The following RBM4 variants were observed in gnomAD, a reference collection of about 807,000 sequenced individuals.
The protein encoded by RBM4 is RNA binding motif protein 4, also known as RNA-binding protein 4.
In RBM4, 7 loss-of-function variants were observed where a neutral mutation model predicts 29.5. The observed-to-expected ratio is 0.24, with a 90% CI of 0.14 to 0.45. RBM4 has a LOEUF of 0.45. Ranked by LOEUF, RBM4 falls within the 20% of genes least tolerant of loss-of-function variation. The pLI is 1.00. For synonymous variants in RBM4, 220 were observed against 205.4 expected, an observed-to-expected ratio of 1.07 and a Z score of -0.61; for missense variants, 387 against 502.3, an observed-to-expected ratio of 0.77 and a Z score of 2.19.
chr11:66,640,491 G>T lies in RBM4; in HGVS notation c.412+368G>T, dbSNP rs115858076. ...TCTGAATTTATTGCCCTCAGCACAGGATCAGAATTCTGCATTTTACGTGAA... is the reference window on the plus strand; with the variant it reads ...TCTGAATTTATTGCCCTCAGCACAGTATCAGAATTCTGCATTTTACGTGAA... On this transcript the variant is annotated intron_variant, in intron 2 of 3. Transcript: ENST00000310092. 4.0e-3 allele frequency: 1,697 copies of T among 427,272 alleles called. 32 individuals carry two copies. Among genetic ancestry groups the T allele is most frequent in the African/African-American group, 0.03 (1,492 of 49,338 alleles). 26.5% of individuals were successfully genotyped at this position (427,272 alleles called of 1,614,324 possible).
At chr11:66,649,459 G>GT (rs1938778996), downstream of RBM4, among the ~76,000 whole-genome samples, 2 of 152,242 alleles carry the variant, frequency 1.3e-5, no homozygotes, top group South Asian at 2.1e-4. Context: ...CGGGAGGATA[G>GT]TTTGAGCCCA....
chr11:66,664,075 A>G (rs1012338288), intron 2 of RBM4, among the ~76,000 whole-genome samples: 1 of 151,224 alleles, frequency 6.6e-6, no homozygotes, highest in Non-Finnish European at 1.5e-5. Context: ...TGGCATGATC[A>G]CAGCTCACTG....
intron 2 of RBM4, among the ~76,000 whole-genome samples, chr11:66,662,016 C>T (rs902323208): frequency 7.2e-5 from 11 of 152,078 alleles, no homozygotes; most frequent in Non-Finnish European, 1.3e-4. Flanking sequence ...AGTGACAGAG[C>T]GAGACTCCAT....
At chr11:66,660,366 T>C (rs1939051139) in intron 2 of RBM4, among the ~76,000 whole-genome samples, 1 of 149,806 alleles carries the variant, frequency 6.7e-6, no homozygotes, top group Non-Finnish European at 1.5e-5. Flanking sequence ...TTTTTTTTTT[T>C]TTTTGAGACA....
chr11:66,649,738 A>G (rs1938785967), downstream of RBM4: 1 of 701,838 alleles, frequency 1.4e-6, no homozygotes, highest in Non-Finnish European at 2.6e-6. Context: ...TTTTTTAGAC[A>G]TCCAGCTCTG....
intron 3 of RBM4, 131 bp from the exon 4 acceptor site, chr11:66,645,896 C>A (rs1938671073): frequency 1.4e-6 from 2 of 1,465,464 alleles, no homozygotes; most frequent in Non-Finnish European, 1.8e-6. Flanking sequence ...TACTGTGATA[C>A]TGGGGGAGAA....
In RBM4 at chr11:66,643,945, A is replaced by G; in HGVS notation, c.908A>G (p.Tyr303Cys). ...GCTGTTACTGCAGCTTCCACTTCAT[A>G]TTACGGGCGGGATCGGAGCCCCCTG... ...AAAVTAASTSYYGRDRSPLRR... is the reference protein window; with the variant it reads ...AAAVTAASTSCYGRDRSPLRR... The change falls in exon 3 of 4, where the codon TAT becomes TGT. Residue 303 changes from tyrosine (Y) to cysteine (C), a missense_variant. Coordinates refer to ENST00000310092, the MANE Select transcript of RBM4 (RefSeq NM_002896.4). The surrounding 1 kb of genome is among the most constrained non-coding windows in gnomAD (Gnocchi z 6.1). The G allele has an allele frequency of 6.2e-7, 1 of 1,613,006 alleles. No individual in the cohort carries two copies. Among genetic ancestry groups the G allele is most frequent in the Non-Finnish European group, 8.5e-7 (1 of 1,179,930 alleles).
At chr11:66,646,571 A>G, downstream of RBM4, 1 of 984,006 alleles carries the variant, frequency 1.0e-6, no homozygotes, top group African/African-American at 1.7e-5. Flanking sequence ...GCTTTGGGTG[A>G]ACGTCACTGT....
chr11:66,666,073 C>T (rs558599631), exon 3 of RBM4: 1 of 1,024,138 alleles, frequency 9.8e-7, no homozygotes, highest in Non-Finnish European at 1.4e-6. Flanking sequence ...TATCAAGGAG[C>T]AGCCAGTCAT....
At position 66,643,678 on chromosome 11, in the gene RBM4, C is replaced by G; in HGVS notation, c.641C>G (p.Ala214Gly). 1.2e-6 allele frequency: 2 copies of G among 1,614,162 alleles called. No homozygotes were observed. Among genetic ancestry groups the G allele is most frequent in the Non-Finnish European group, 1.7e-6 (2 of 1,180,024 alleles). ...SYGDSLYYNN[A>G]YGALDAYYKR... is the part of the protein sequence containing the mutation. ...GGGGATTCATTGTATTACAACAACG[C>G]GTACGGAGCGCTCGATGCCTACTAC... The change falls in exon 3 of 4, where the codon GCG becomes GGG. Residue 214 changes from alanine (A) to glycine (G), a missense_variant. Ala to Gly is a moderately conservative substitution (Grantham distance 60). Coordinates refer to ENST00000310092, the MANE Select transcript of RBM4 (RefSeq NM_002896.4). This position sits in a 1 kb window ranked among gnomAD's most constrained non-coding sequence, Gnocchi z 6.1.
chr11:66,650,215 A>G (rs1938794724), downstream of RBM4, among the ~76,000 whole-genome samples: 1 of 152,194 alleles, frequency 6.6e-6, no homozygotes, highest in African/African-American at 2.4e-5. Flanking sequence ...AGGACCTGTG[A>G]GGGCAGTTTT....
At chr11:66,664,457 TTTG>T (rs1939157760) in intron 2 of RBM4, among the ~76,000 whole-genome samples, 1 of 151,030 alleles carries the variant, frequency 6.6e-6, no homozygotes, top group African/African-American at 2.4e-5. Context: ...GCCAACTAAT[TTTG>T]TTGTTTTTGT....
chr11:66,650,137 C>T (rs1043886340), downstream of RBM4, among the ~76,000 whole-genome samples: 2 of 152,142 alleles, frequency 1.3e-5, no homozygotes, highest in Non-Finnish European at 2.9e-5. Flanking sequence ...GAAGTCAGTT[C>T]GGGGTGGGAA....
intron 1 of RBM4, chr11:66,639,476 A>G (rs1046792175): frequency 8.3e-6 from 5 of 604,294 alleles, no homozygotes; most frequent in Non-Finnish European, 1.4e-5. Flanking sequence ...TTTGTCTACT[A>G]AGGACCTCCC....
downstream of RBM4, among the ~76,000 whole-genome samples, chr11:66,650,474 G>A (rs748913176): frequency 6.6e-6 from 1 of 151,952 alleles, no homozygotes; most frequent in Non-Finnish European, 1.5e-5. Flanking sequence ...GGGAGGCTGA[G>A]GCAGAAGAAT....
At chr11:66,657,199 CA>C (rs1440577980) in intron 2 of RBM4, among the ~76,000 whole-genome samples, 5 of 147,950 alleles carry the variant, frequency 3.4e-5, no homozygotes, top group Non-Finnish European at 5.9e-5. Flanking sequence ...AATGCAGCCT[CA>C]ACCTTCTGAG....
intron 3 of RBM4, 140 bp downstream of exon 3, chr11:66,644,280 G>A: frequency 8.1e-7 from 1 of 1,227,618 alleles, no homozygotes; most frequent in Non-Finnish European, 1.1e-6. Context: ...AGGCTAGAGA[G>A]AAGTCCTAAC....
chr11:66,659,776 G>A (rs1939039542), intron 2 of RBM4, among the ~76,000 whole-genome samples: 1 of 151,872 alleles, frequency 6.6e-6, no homozygotes, highest in Non-Finnish European at 1.5e-5. Context: ...TTTTCTCCAT[G>A]TCTTTGCCAC....
At chr11:66,652,127 T>G (rs2509673) in intron 2 of RBM4, 1 of 151,978 alleles carries the variant, frequency 6.6e-6, no homozygotes, top group Non-Finnish European at 1.5e-5. Flanking sequence ...TTTTTTTTTT[T>G]GGTCACCCAG....
Sources: allele counts gnomAD v4.1 joint callset (sites outside exome capture counted in the v4.1 genomes callset), GRCh38; gene constraint gnomAD v4.1.1; non-coding constraint Gnocchi (gnomAD v3.1); transcripts MANE v1.5; gene names NCBI Gene and HGNC (gene_info 2026-07-23, HGNC 2026-07-21).